DCUN1D3: variants seen among roughly 807,000 people sequenced by gnomAD.
DCUN1D3 encodes the protein DCN1-like protein 3.
In DCUN1D3, 6 loss-of-function variants were observed where a neutral mutation model predicts 24.8. The ratio of observed to expected loss-of-function variants is 0.24; its 90% CI spans 0.13 to 0.48. The LOEUF (loss-of-function observed/expected upper bound fraction) is 0.48. Ranked by LOEUF, DCUN1D3 falls within the 20% of genes least tolerant of loss-of-function variation. The pLI is 0.99. For synonymous variants in DCUN1D3, 120 were observed against 144.9 expected (o/e 0.83, Z 1.24); for missense variants, 258 against 379.4 (o/e 0.68, Z 2.66).
intron 1 of DCUN1D3, among the ~76,000 whole-genome samples, chr16:20,876,538 G>A (rs780290917): frequency 9.2e-5 from 14 of 151,766 alleles, no homozygotes; most frequent in Non-Finnish European, 1.9e-4. Context: ...ATGGAAAACA[G>A]TATAAAGGGC....
chr16:20,879,675 A>G (rs773636788), intron 1 of DCUN1D3, among the ~76,000 whole-genome samples: 8 of 152,222 alleles, frequency 5.3e-5, no homozygotes, highest in South Asian at 4.1e-4. Flanking sequence ...AGATGAGAAC[A>G]ACAAAAATTA....
rs781508434 is a variant in DCUN1D3 at position 20,860,288 on chromosome 16, T to A, written c.513A>T (p.Thr171=). 3 of 1,614,260 alleles carry A rather than the reference T, an allele frequency of 1.9e-6. No individual in the cohort carries two copies. In the South Asian group the frequency reaches 3.3e-5, roughly 18 times the overall value. ...GICARFPSLL[T]EAKQEDKFKD... is the part of the protein sequence containing the mutation. ...TGAATTTATCCTCTTGTTTGGCTTC[T>A]GTTAAGAGGCTAGGGAACCGTGCAC... The change falls in exon 3 of 3, where the codon ACA becomes ACT. Residue 171 remains threonine, a synonymous_variant. Transcript: ENST00000324344. This position sits in a 1 kb window ranked among gnomAD's most constrained non-coding sequence, Gnocchi z 4.3.
At chr16:20,878,477 A>G (rs548946871) in intron 1 of DCUN1D3, among the ~76,000 whole-genome samples, 2 of 152,312 alleles carry the variant, frequency 1.3e-5, no homozygotes, top group East Asian at 3.9e-4. Context: ...AGCCACAGCC[A>G]TGCACTGCAC....
chr16:20,856,738 AAG>A lies in DCUN1D3; in HGVS notation c.*3146_*3147del, dbSNP rs1225508179. ...ATTGAGATTTGGCAAAGATGGGGGA[AAG>A]AGCAATTCAATGAAGCAGCACGTCA... is the stretch of plus-strand genomic sequence containing the variant. On this transcript the variant is annotated 3_prime_UTR_variant, in exon 3 of 3. Transcript: ENST00000324344. The A allele has an allele frequency of 2.0e-5, 3 of 152,334 alleles. No homozygotes were observed. In the East Asian group the frequency reaches 5.8e-4, roughly 29 times the overall value. 9.4% of individuals were successfully genotyped at this position (152,334 alleles called of 1,614,324 possible). A position where few individuals can be genotyped will look rare whatever the true frequency, so the allele number is the denominator to read the frequency against.
chr16:20,890,286 C>A (rs1245902018), intron 1 of DCUN1D3, among the ~76,000 whole-genome samples: 1 of 152,058 alleles, frequency 6.6e-6, no homozygotes, highest in South Asian at 2.1e-4. Flanking sequence ...ATACCCAATA[C>A]CTGCAGCTGG....
At chr16:20,863,639 G>A (rs74978879) in intron 1 of DCUN1D3, among the ~76,000 whole-genome samples, 1,559 of 152,238 alleles carry the variant, frequency 0.01, 11 homozygotes, top group Non-Finnish European at 0.015. Flanking sequence ...CCAGCTACAA[G>A]GGAGGCTCAG....
chr16:20,880,646 G>C (rs369257438), intron 1 of DCUN1D3, among the ~76,000 whole-genome samples: 2 of 97,676 alleles, frequency 2.0e-5, no homozygotes, highest in Non-Finnish European at 4.6e-5. Context: ...AAAGAAAAAA[G>C]AAAAGAAAAT....
chr16:20,860,191 T>C lies in DCUN1D3; in HGVS notation c.610A>G (p.Ile204Val), dbSNP rs558043046. The C allele has an allele frequency of 1.2e-6, 2 of 1,614,238 alleles. No individual in the cohort carries two copies. The highest frequency in any genetic ancestry group is 3.3e-5 in the Admixed American group (2 of 60,032). Residue 204 changes from isoleucine to valine, a missense_variant, in exon 3 of 3, where the codon ATA (isoleucine) becomes GTA (valine). Transcript: ENST00000324344. The surrounding 1 kb of genome is among the most constrained non-coding windows in gnomAD (Gnocchi z 4.3). ...ACTAGTTTCCACAGGGCAATGGCTA[T>C]TTCCCGATGCAGTGACCGCTGCCCT... ...EEGQRSLHREIAIALWKLVFT... is the reference protein window; with the variant it reads ...EEGQRSLHREVAIALWKLVFT...
At chr16:20,869,316 G>C (rs1272292629) in intron 1 of DCUN1D3, among the ~76,000 whole-genome samples, 1 of 152,268 alleles carries the variant, frequency 6.6e-6, no homozygotes, top group Non-Finnish European at 1.5e-5. Context: ...TACAAATGCA[G>C]ACAGGAGAAG....
intron 1 of DCUN1D3, among the ~76,000 whole-genome samples, chr16:20,870,996 T>C (rs1366741163): frequency 6.6e-6 from 1 of 152,206 alleles, no homozygotes; most frequent in Non-Finnish European, 1.5e-5. Context: ...AGACTCTGAA[T>C]GACCTGAGAA....
chr16:20,887,259 G>A (rs1303221593), intron 1 of DCUN1D3, among the ~76,000 whole-genome samples: 1 of 152,058 alleles, frequency 6.6e-6, no homozygotes, highest in South Asian at 2.1e-4. Context: ...CCAAGATAGC[G>A]CCACTGCACT....
intron 1 of DCUN1D3, among the ~76,000 whole-genome samples, chr16:20,888,435 C>T (rs1293820294): frequency 6.6e-6 from 1 of 152,188 alleles, no homozygotes; most frequent in Non-Finnish European, 1.5e-5. Context: ...AGACTATGTT[C>T]TCTTAACCAA....
chr16:20,866,641 T>C (rs1441029398), intron 1 of DCUN1D3, among the ~76,000 whole-genome samples: 1 of 152,142 alleles, frequency 6.6e-6, no homozygotes, highest in East Asian at 1.9e-4. Context: ...GCTTTTAACA[T>C]GACCAGCAGA....
At chr16:20,868,484 A>G (rs905432567) in intron 1 of DCUN1D3, among the ~76,000 whole-genome samples, 1 of 152,236 alleles carries the variant, frequency 6.6e-6, no homozygotes, top group African/African-American at 2.4e-5. Flanking sequence ...AACTGTCCGC[A>G]TGGAACTTTA....
intron 1 of DCUN1D3, among the ~76,000 whole-genome samples, chr16:20,869,801 G>A (rs943655280): frequency 1.2e-4 from 19 of 152,070 alleles, no homozygotes; most frequent in Admixed American, 1.0e-3. Flanking sequence ...GCTTGAGGGA[G>A]GTAGCCTGAG....
chr16:20,871,055 T>C lies in DCUN1D3; in HGVS notation c.-105-8412A>G, dbSNP rs1260504722. On this transcript the variant is annotated intron_variant, in intron 1 of 2. Transcript: ENST00000324344. ...CATTTGTAAACTACTTCCTAGAAAG[T>C]AAATGTGCAAAAATAACAAGGAAGA... 2.0e-5 allele frequency among the ~76,000 whole-genome samples: 3 copies of C among 152,208 alleles called. No homozygotes were observed. The East Asian group carries it at 5.8e-4, about 29-fold the overall frequency.
rs183630131 is a variant in DCUN1D3 at position 20,899,202 on chromosome 16, A to G, written c.-106+1002T>C. 7.2e-5 allele frequency among the ~76,000 whole-genome samples: 11 copies of G among 152,400 alleles called. No homozygotes were observed. In the East Asian group the frequency reaches 1.7e-3, roughly 24 times the overall value. Reference sequence around the variant, plus strand: ...TCTGTTCTCTGAAGTGCATCATGAAAAGTGGGTGGAGAGAAACACAGAAAT... The same window carrying G: ...TCTGTTCTCTGAAGTGCATCATGAAGAGTGGGTGGAGAGAAACACAGAAAT... On this transcript the variant is annotated intron_variant, in intron 1 of 2. Coordinates refer to ENST00000324344, the MANE Select transcript of DCUN1D3 (RefSeq NM_173475.4).
chr16:20,890,407 C>T (rs190436582), intron 1 of DCUN1D3, among the ~76,000 whole-genome samples: 7 of 152,006 alleles, frequency 4.6e-5, no homozygotes, highest in Non-Finnish European at 1.0e-4. Flanking sequence ...GCAAGAGGAT[C>T]GCTTGAGGCA....
intron 1 of DCUN1D3, among the ~76,000 whole-genome samples, chr16:20,894,673 T>C (rs189620731): frequency 1.6e-4 from 24 of 152,344 alleles, no homozygotes; most frequent in Admixed American, 7.8e-4. Flanking sequence ...GACGAAGTCA[T>C]TGACATGTCT....
Sources: allele counts gnomAD v4.1 joint callset (sites outside exome capture counted in the v4.1 genomes callset), GRCh38; gene constraint gnomAD v4.1.1; non-coding constraint Gnocchi (gnomAD v3.1); transcripts MANE v1.5; gene names NCBI Gene and HGNC (gene_info 2026-07-23, HGNC 2026-07-21).